Variants in BRD3OS observed in about 807,000 individuals in gnomAD.
BRD3OS encodes BRD3 opposite strand.
At chr9:134,025,807 G>A (rs1482811308) in intron 1 of BRD3OS, 38 bp from the exon 2 acceptor site, 1 of 152,296 alleles carries the variant, frequency 6.6e-6, no homozygotes, top group African/African-American at 2.4e-5. Flanking sequence ...ATGCTTCCCT[G>A]TTTGTTTTCT....
In BRD3OS at chr9:134,028,010, TCTCA is replaced by T. The variant is rs1459545049; in HGVS notation, c.*1011_*1014del. 3 of 152,256 alleles carry T rather than the reference TCTCA, an allele frequency of 2.0e-5. No individual in the cohort carries two copies. Among genetic ancestry groups the T allele is most frequent in the Admixed American group, 6.5e-5 (1 of 15,284 alleles). The allele number at this position is 152,256 out of a possible 1,614,324, so 9.4% of individuals were successfully genotyped here. ...TCTCCATGAAGGATTCACCTTCTGC[TCTCA>T]CTGACATCTCCTTGGCTACACAAAT... On this transcript the variant is annotated 3_prime_UTR_variant, in exon 3 of 3. Transcript: ENST00000603928.
chr9:134,030,987 G>A lies in BRD3OS; in HGVS notation c.*3985G>A, dbSNP rs931945304. The A allele has an allele frequency of 2.6e-5, 6 of 230,382 alleles. No individual in the cohort carries two copies. The highest frequency in any genetic ancestry group is 2.5e-3 in the Middle Eastern group (2 of 800). 14.3% of individuals were successfully genotyped at this position (230,382 alleles called of 1,614,324 possible). A position where few individuals can be genotyped will look rare whatever the true frequency, so the allele number is the denominator to read the frequency against. Reference sequence around the variant, plus strand: ...CGCAGCCTTCTAATACAGAAGAAACGGACGTGACTGTCACCCTCAGCCCGC... The same window carrying A: ...CGCAGCCTTCTAATACAGAAGAAACAGACGTGACTGTCACCCTCAGCCCGC... On this transcript the variant is annotated 3_prime_UTR_variant, in exon 3 of 3. Transcript: ENST00000603928.
rs946349930 is a variant in BRD3OS, at chr9:134,028,414, A to C, written c.*1412A>C. On this transcript the variant is annotated 3_prime_UTR_variant, in exon 3 of 3. Transcript: ENST00000603928. The stretch of plus-strand genomic sequence containing the variant: ...TAATGCTTTTCTTTTTTTTTAAGAG[A>C]GTCTCACTCTGTTGCCCAGGCTGGA... The C allele has an allele frequency of 2.6e-5, 4 of 151,956 alleles. No individual in the cohort carries two copies. The highest frequency in any genetic ancestry group is 9.7e-5 in the African/African-American group (4 of 41,438). 9.4% of individuals were successfully genotyped at this position (151,956 alleles called of 1,614,324 possible). A position where few individuals can be genotyped will look rare whatever the true frequency, so the allele number is the denominator to read the frequency against.
rs1249149818 is a variant in BRD3OS at position 134,031,335 on chromosome 9, C to T, written c.*4333C>T. On this transcript the variant is annotated 3_prime_UTR_variant, in exon 3 of 3. Transcript: ENST00000603928. The stretch of plus-strand genomic sequence containing the variant: ...TGGAGGGGCATTGCAAGGAGCGCCC[C>T]CCAGCCCCAGGCACCCCCGGCTTAG... 3 of 208,266 alleles carry T rather than the reference C, an allele frequency of 1.4e-5. No homozygotes were observed. Among genetic ancestry groups the T allele is most frequent in the Non-Finnish European group, 2.0e-5 (2 of 102,206 alleles). 12.9% of individuals were successfully genotyped at this position (208,266 alleles called of 1,614,324 possible). A position where few individuals can be genotyped will look rare whatever the true frequency, so the allele number is the denominator to read the frequency against.
rs1040878394 is a variant in BRD3OS, at chr9:134,026,202, T to G, written c.-540-6T>G. 6.6e-6 allele frequency: 1 copy of G among 152,462 alleles called. No individual in the cohort carries two copies. Among genetic ancestry groups the G allele is most frequent in the African/African-American group, 2.4e-5 (1 of 41,432 alleles). 9.4% of individuals were successfully genotyped at this position (152,462 alleles called of 1,614,324 possible). A position where few individuals can be genotyped will look rare whatever the true frequency, so the allele number is the denominator to read the frequency against. On this transcript the variant is annotated splice_region_variant and splice_polypyrimidine_tract_variant and intron_variant, in intron 2 of 2. Transcript: ENST00000603928. The surrounding 1 kb of genome is among the most constrained non-coding windows in gnomAD (Gnocchi z 4.4). ...CTCTCCTGACAGCACGTTCGTTCCTTTGCAGCAGCACCTTTGGGGAGAGAC... is the reference window on the plus strand; with the variant it reads ...CTCTCCTGACAGCACGTTCGTTCCTGTGCAGCAGCACCTTTGGGGAGAGAC...
Position 134,029,171 on chromosome 9 carries a change from A to C in BRD3OS, c.*2169A>C, listed in dbSNP as rs894310315. On this transcript the variant is annotated 3_prime_UTR_variant, in exon 3 of 3. Coordinates refer to ENST00000603928, the MANE Select transcript of BRD3OS (RefSeq NM_001355256.2). ...CAGTTTAAGTCCTGCCTGGGAAGAAAGCAAACTCCAGAGGCAAATCTGGAA... is the reference window on the plus strand; with the variant it reads ...CAGTTTAAGTCCTGCCTGGGAAGAACGCAAACTCCAGAGGCAAATCTGGAA... 1.3e-5 allele frequency: 2 copies of C among 152,330 alleles called. No individual in the cohort carries two copies. Among genetic ancestry groups the C allele is most frequent in the African/African-American group, 2.4e-5 (1 of 41,480 alleles). The allele number at this position is 152,330 out of a possible 1,614,324, so 9.4% of individuals were successfully genotyped here.
rs145356984 is a variant in BRD3OS at position 134,029,629 on chromosome 9, T to A, written c.*2627T>A. 1 of 152,260 alleles carries A rather than the reference T, an allele frequency of 6.6e-6. No individual in the cohort carries two copies. The allele number at this position is 152,260 out of a possible 1,614,324, so 9.4% of individuals were successfully genotyped here. ...GGCCTAGTTCCAGAGCTGTCATTCT[T>A]CGGCGAGCCGCGCTGCACGCCAGCC... On this transcript the variant is annotated 3_prime_UTR_variant, in exon 3 of 3. Coordinates refer to ENST00000603928, the MANE Select transcript of BRD3OS (RefSeq NM_001355256.2).
In BRD3OS at chr9:134,030,150, A is replaced by T. The variant is rs1843487817; in HGVS notation, c.*3148A>T. ...GGATGCTCTGGGTGTTTTTGCCAAG[A>T]GTTACAGGATGTCAAGTGTGGGGAG... is the stretch of plus-strand genomic sequence containing the variant. On this transcript the variant is annotated 3_prime_UTR_variant, in exon 3 of 3. Coordinates refer to ENST00000603928, the MANE Select transcript of BRD3OS (RefSeq NM_001355256.2). 6.5e-6 allele frequency: 1 copy of T among 152,824 alleles called. No individual in the cohort carries two copies. Among genetic ancestry groups the T allele is most frequent in the South Asian group, 2.1e-4 (1 of 4,818 alleles). 9.5% of individuals were successfully genotyped at this position (152,824 alleles called of 1,614,324 possible).
chr9:134,025,608 C>G (rs1843420196), intron 1 of BRD3OS, 72 bp downstream of exon 1: 1 of 152,084 alleles, frequency 6.6e-6, no homozygotes, highest in Non-Finnish European at 1.5e-5. Flanking sequence ...ATGGGGCGAC[C>G]CAGAGCGCGC....
At position 134,027,787 on chromosome 9, in the gene BRD3OS, T is replaced by G. The variant is rs964313427; in HGVS notation, c.*785T>G. The G allele has an allele frequency of 1.3e-5, 2 of 152,268 alleles. No homozygotes were observed. The highest frequency in any genetic ancestry group is 2.9e-5 in the Non-Finnish European group (2 of 68,050). The allele number at this position is 152,268 out of a possible 1,614,324, so 9.4% of individuals were successfully genotyped here. A position where few individuals can be genotyped will look rare whatever the true frequency, so the allele number is the denominator to read the frequency against. ...TAGCTTCCAAGCATTTGCGGCCCAC[T>G]GGCCAGTGCATCCAAAACACATTCA... On this transcript the variant is annotated 3_prime_UTR_variant, in exon 3 of 3. Transcript: ENST00000603928.
Position 134,026,598 on chromosome 9 carries a change from C to T in BRD3OS, c.-150C>T. 1 of 394,010 alleles carries T rather than the reference C, an allele frequency of 2.5e-6. No homozygotes were observed. The allele number at this position is 394,010 out of a possible 1,614,324, so 24.4% of individuals were successfully genotyped here. A position where few individuals can be genotyped will look rare whatever the true frequency, so the allele number is the denominator to read the frequency against. The stretch of plus-strand genomic sequence containing the variant: ...CACACAACCCTCCTGAGGACGTTGC[C>T]TGCAAATGGGCGGAATTCCTAATTT... On this transcript the variant is annotated 5_prime_UTR_variant, in exon 3 of 3. Coordinates refer to ENST00000603928, the MANE Select transcript of BRD3OS (RefSeq NM_001355256.2). The surrounding 1 kb of genome is among the most constrained non-coding windows in gnomAD (Gnocchi z 4.4).
Position 134,027,756 on chromosome 9 carries a change from T to C in BRD3OS, c.*754T>C, listed in dbSNP as rs1310162539. On this transcript the variant is annotated 3_prime_UTR_variant, in exon 3 of 3. Coordinates refer to ENST00000603928, the MANE Select transcript of BRD3OS (RefSeq NM_001355256.2). ...CAAAATGATCATCATCTGTGAAGCATCATGGTAGCTTCCAAGCATTTGCGG... is the reference window on the plus strand; with the variant it reads ...CAAAATGATCATCATCTGTGAAGCACCATGGTAGCTTCCAAGCATTTGCGG... 1.3e-5 allele frequency: 2 copies of C among 152,172 alleles called. No individual in the cohort carries two copies. The highest frequency in any genetic ancestry group is 3.8e-4 in the East Asian group (2 of 5,196). 9.4% of individuals were successfully genotyped at this position (152,172 alleles called of 1,614,324 possible). A position where few individuals can be genotyped will look rare whatever the true frequency, so the allele number is the denominator to read the frequency against.
At position 134,027,104 on chromosome 9, in the gene BRD3OS, GAAT is replaced by G. The variant is rs1414185363; in HGVS notation, c.*106_*108del. 2.5e-6 allele frequency: 1 copy of G among 397,276 alleles called. No homozygotes were observed. The highest frequency in any genetic ancestry group is 2.1e-5 in the African/African-American group (1 of 48,618). 24.6% of individuals were successfully genotyped at this position (397,276 alleles called of 1,614,324 possible). A position where few individuals can be genotyped will look rare whatever the true frequency, so the allele number is the denominator to read the frequency against. On this transcript the variant is annotated 3_prime_UTR_variant, in exon 3 of 3. Coordinates refer to ENST00000603928, the MANE Select transcript of BRD3OS (RefSeq NM_001355256.2). The stretch of plus-strand genomic sequence containing the variant: ...TTTCCAATCCTTGCTGGAAGATTTT[GAAT>G]AATGAACGTGAAGATCAAACTGTGG...
In BRD3OS at chr9:134,029,673, CCTCA is replaced by C. The variant is rs769723541; in HGVS notation, c.*2674_*2677del. ...GCCAGCCTCCAGTCTGGCAGTTAAA[CCTCA>C]CTATGAAAATCTGCTTTTGGGATTT... On this transcript the variant is annotated 3_prime_UTR_variant, in exon 3 of 3. Coordinates refer to ENST00000603928, the MANE Select transcript of BRD3OS (RefSeq NM_001355256.2). 1.3e-5 allele frequency: 2 copies of C among 152,290 alleles called. No individual in the cohort carries two copies. The highest frequency in any genetic ancestry group is 1.5e-5 in the Non-Finnish European group (1 of 68,072). The allele number at this position is 152,290 out of a possible 1,614,324, so 9.4% of individuals were successfully genotyped here. A position where few individuals can be genotyped will look rare whatever the true frequency, so the allele number is the denominator to read the frequency against.
chr9:134,031,231 C>CGG lies in BRD3OS; in HGVS notation c.*4230_*4231insGG, dbSNP rs1325316628. ...AACCAGCCGAGAAGGAAAGGCCCCACGATGCTCCTGCTGCGCTGCCCCCAC... is the reference window on the plus strand; with the variant it reads ...AACCAGCCGAGAAGGAAAGGCCCCACGGGATGCTCCTGCTGCGCTGCCCCCAC... On this transcript the variant is annotated 3_prime_UTR_variant, in exon 3 of 3. Transcript: ENST00000603928. 9.3e-6 allele frequency: 2 copies of CGG among 215,658 alleles called. No individual in the cohort carries two copies. The highest frequency in any genetic ancestry group is 9.3e-6 in the Non-Finnish European group (1 of 107,034). The allele number at this position is 215,658 out of a possible 1,614,324, so 13.4% of individuals were successfully genotyped here.
rs1171090833 is a variant in BRD3OS at position 134,028,985 on chromosome 9, T to C, written c.*1983T>C. ...TGTTTGCAGCCTGCAGCTGGGAGAT[T>C]TGAAGTCAGACTTCCAGGATTGCCG... On this transcript the variant is annotated 3_prime_UTR_variant, in exon 3 of 3. Coordinates refer to ENST00000603928, the MANE Select transcript of BRD3OS (RefSeq NM_001355256.2). 1 of 152,258 alleles carries C rather than the reference T, an allele frequency of 6.6e-6. No homozygotes were observed. Among genetic ancestry groups the C allele is most frequent in the Non-Finnish European group, 1.5e-5 (1 of 68,064 alleles). 9.4% of individuals were successfully genotyped at this position (152,258 alleles called of 1,614,324 possible).
Position 134,027,083 on chromosome 9 carries a change from C to T in BRD3OS, c.*81C>T. 2.5e-6 allele frequency: 1 copy of T among 398,068 alleles called. No individual in the cohort carries two copies. The highest frequency in any genetic ancestry group is 4.4e-6 in the Non-Finnish European group (1 of 225,940). The allele number at this position is 398,068 out of a possible 1,614,324, so 24.7% of individuals were successfully genotyped here. On this transcript the variant is annotated 3_prime_UTR_variant, in exon 3 of 3. Coordinates refer to ENST00000603928, the MANE Select transcript of BRD3OS (RefSeq NM_001355256.2). ...TTCATTCAGTTGTCTTGTTGATTTC[C>T]AATCCTTGCTGGAAGATTTTGAATA...
At chr9:134,025,621 G>T (rs1412182022) in intron 1 of BRD3OS, 85 bp downstream of exon 1, 2 of 152,172 alleles carry the variant, frequency 1.3e-5, no homozygotes, top group Non-Finnish European at 2.9e-5. Context: ...GAGCGCGCGG[G>T]GTCTGGGGCG....
rs1438004631 is a variant in BRD3OS, at chr9:134,029,668, T to C, written c.*2666T>C. On this transcript the variant is annotated 3_prime_UTR_variant, in exon 3 of 3. Coordinates refer to ENST00000603928, the MANE Select transcript of BRD3OS (RefSeq NM_001355256.2). ...TGCACGCCAGCCTCCAGTCTGGCAG[T>C]TAAACCTCACTATGAAAATCTGCTT... The C allele has an allele frequency of 1.3e-5, 2 of 152,300 alleles. No homozygotes were observed. The highest frequency in any genetic ancestry group is 2.9e-5 in the Non-Finnish European group (2 of 68,074). The allele number at this position is 152,300 out of a possible 1,614,324, so 9.4% of individuals were successfully genotyped here.
Sources: gnomAD v4.1 joint callset for allele counts on GRCh38, gnomAD v4.1.1 for gene constraint, Gnocchi (gnomAD v3.1) non-coding constraint, MANE v1.5 for transcripts, NCBI Gene and HGNC (gene_info 2026-07-23, HGNC 2026-07-21) for gene names.